The following SGPP2 variants were observed in gnomAD, a reference collection of about 807,000 sequenced individuals.
SGPP2 encodes the protein sphingosine-1-phosphate phosphatase 2.
SGPP2 carries 30 observed loss-of-function variants against 33.9 expected under a neutral mutation model. The observed-to-expected ratio is 0.89, with a 90% confidence interval of 0.66 to 1.20. The LOEUF is 1.20. Among genes scored for constraint, SGPP2 ranks in the 50% most tolerant of loss-of-function variants. The pLI, the probability that SGPP2 is intolerant of heterozygous loss-of-function variation, is 0.00. For missense variants in SGPP2, 458 were observed against 532.1 expected (o/e 0.86, Z 1.37); for synonymous variants, 233 against 225.0 (o/e 1.04, Z -0.32).
chr2:222,475,777 G>T (rs114277500), intron 2 of SGPP2, among the ~76,000 whole-genome samples: 7 of 152,290 alleles, frequency 4.6e-5, no homozygotes, highest in Non-Finnish European at 8.8e-5. Context: ...AGGCAGCAAG[G>T]CATACTCCAG....
chr2:222,532,957 A>G (rs531803445), intron 4 of SGPP2, among the ~76,000 whole-genome samples: 2 of 152,204 alleles, frequency 1.3e-5, no homozygotes, highest in Non-Finnish European at 2.9e-5. Context: ...CATTCAAGGT[A>G]AAACAGAGTT....
chr2:222,531,515 T>C (rs544512731), intron 4 of SGPP2, among the ~76,000 whole-genome samples: 1 of 152,340 alleles, frequency 6.6e-6, no homozygotes, highest in East Asian at 1.9e-4. Flanking sequence ...TGCCAGCAGC[T>C]GTCAGGGAGA....
chr2:222,482,556 C>A (rs1307123545), intron 2 of SGPP2, among the ~76,000 whole-genome samples: 1 of 146,242 alleles, frequency 6.8e-6, no homozygotes, highest in Non-Finnish European at 1.5e-5. Context: ...AGCATCACAC[C>A]TGGCTTAGTT....
Position 222,562,584 on chromosome 2 carries a change from TTTA to T in SGPP2, c.*3689_*3691del, listed in dbSNP as rs1203012090. Among the ~76,000 whole-genome samples the T allele has an allele frequency of 6.6e-6, 1 of 152,236 alleles. No homozygotes were observed. The highest frequency in any genetic ancestry group is 1.9e-4 in the East Asian group (1 of 5,202). The stretch of plus-strand genomic sequence containing the variant: ...AAATTTATTCTTTTTAAAAATCACT[TTTA>T]TTTGATTTTGACTTATTAAATGCTT... On this transcript the variant is annotated 3_prime_UTR_variant, in exon 5 of 5. Coordinates refer to ENST00000321276, the MANE Select transcript of SGPP2 (RefSeq NM_152386.4).
chr2:222,494,658 C>A (rs992533348), intron 2 of SGPP2, among the ~76,000 whole-genome samples: 1 of 152,214 alleles, frequency 6.6e-6, no homozygotes, highest in Admixed American at 6.5e-5. Flanking sequence ...TATCCAAAAT[C>A]TTGGCGTGAG....
chr2:222,470,495 G>C (rs1697821819), intron 1 of SGPP2, among the ~76,000 whole-genome samples: 1 of 152,100 alleles, frequency 6.6e-6, no homozygotes, highest in Non-Finnish European at 1.5e-5. Flanking sequence ...AGAATAGTTA[G>C]CTTTTCCCTC....
At chr2:222,543,591 C>T (rs1172169684) in intron 4 of SGPP2, among the ~76,000 whole-genome samples, 1 of 152,196 alleles carries the variant, frequency 6.6e-6, no homozygotes, top group Non-Finnish European at 1.5e-5. Context: ...TGTGGTCTCT[C>T]TCTCAGAATA....
chr2:222,426,275 G>A (rs917253223), intron 1 of SGPP2, among the ~76,000 whole-genome samples: 10 of 150,804 alleles, frequency 6.6e-5, no homozygotes, highest in Non-Finnish European at 1.5e-4. Context: ...ACAGTCCCAT[G>A]GCTGAAACGT....
chr2:222,523,221 C>G, intron 3 of SGPP2, among the ~76,000 whole-genome samples: 1 of 152,230 alleles, frequency 6.6e-6, no homozygotes, highest in East Asian at 1.9e-4. Flanking sequence ...AAGAAAGGGA[C>G]AGTTACAAGG....
At chr2:222,533,901 A>G (rs899599877) in intron 4 of SGPP2, among the ~76,000 whole-genome samples, 1 of 151,932 alleles carries the variant, frequency 6.6e-6, no homozygotes, top group South Asian at 2.1e-4. Flanking sequence ...ATCAAATGCT[A>G]TCCCAGGGGT....
At chr2:222,552,431 T>C (rs564272910) in intron 4 of SGPP2, among the ~76,000 whole-genome samples, 2 of 152,298 alleles carry the variant, frequency 1.3e-5, no homozygotes, top group Admixed American at 6.5e-5. Flanking sequence ...TATTGCATTA[T>C]GGTTTTGAAT....
At chr2:222,478,353 G>A (rs1001511813) in intron 2 of SGPP2, among the ~76,000 whole-genome samples, 1 of 151,840 alleles carries the variant, frequency 6.6e-6, no homozygotes, top group East Asian at 1.9e-4. Flanking sequence ...AGACAATAAT[G>A]AGAGATATTT....
intron 4 of SGPP2, among the ~76,000 whole-genome samples, chr2:222,532,006 C>T (rs1371203910): frequency 6.6e-6 from 1 of 152,178 alleles, no homozygotes; most frequent in Non-Finnish European, 1.5e-5. Flanking sequence ...GGCACGGTGG[C>T]TCATGACTGT....
In SGPP2 at chr2:222,476,722, ATGTGTGTATATAGG is replaced by A. The variant is rs1697939882; in HGVS notation, c.378+2004_378+2017del. ...GTAAGGTATAACTGTATATATATGT[ATGTGTGTATATAGG>A]TGTGTGTGTATATGTATGTATATAG... On this transcript the variant is annotated intron_variant, in intron 2 of 4. Coordinates refer to ENST00000321276, the MANE Select transcript of SGPP2 (RefSeq NM_152386.4). This position sits in a 1 kb window ranked among gnomAD's most constrained non-coding sequence, Gnocchi z 4.3. Among the ~76,000 whole-genome samples the A allele has an allele frequency of 6.6e-6, 1 of 150,844 alleles. No individual in the cohort carries two copies. The highest frequency in any genetic ancestry group is 1.5e-5 in the Non-Finnish European group (1 of 67,738).
At chr2:222,554,337 A>G (rs1689351051) in intron 4 of SGPP2, among the ~76,000 whole-genome samples, 1 of 152,264 alleles carries the variant, frequency 6.6e-6, no homozygotes, top group Non-Finnish European at 1.5e-5. Flanking sequence ...GCAGTGGCAT[A>G]GTATTCCACT....
intron 1 of SGPP2, among the ~76,000 whole-genome samples, chr2:222,443,454 A>C (rs957895403): frequency 6.6e-6 from 1 of 152,110 alleles, no homozygotes; most frequent in African/African-American, 2.4e-5. Flanking sequence ...TTTAGCTCCC[A>C]CATATAAGTG....
rs147352118 is a variant in SGPP2 at position 222,432,350 on chromosome 2, C to T, written c.219+7529C>T. Among the ~76,000 whole-genome samples the T allele has an allele frequency of 1.8e-3, 268 of 152,262 alleles. 2 individuals are homozygous for T. In the Middle Eastern group the frequency reaches 0.02, roughly 12 times the overall value. ...GTCACTCTCACCCACAGATGATTTA[C>T]GAGGAAAAAGCACAAATGGTTTCTT... On this transcript the variant is annotated intron_variant, in intron 1 of 4. Transcript: ENST00000321276.
chr2:222,557,216 C>T (rs554795356), intron 4 of SGPP2, among the ~76,000 whole-genome samples: 67 of 152,294 alleles, frequency 4.4e-4, no homozygotes, highest in African/African-American at 1.3e-3. Context: ...CTGCCTGTCT[C>T]TTTACCAGAC....
chr2:222,498,872 T>C (rs1191830971), intron 2 of SGPP2, among the ~76,000 whole-genome samples: 3 of 152,142 alleles, frequency 2.0e-5, no homozygotes, highest in African/African-American at 7.2e-5. Context: ...TAACTCCTAT[T>C]TAAATTGTTT....
Sources: allele counts gnomAD v4.1 joint callset (sites outside exome capture counted in the v4.1 genomes callset), GRCh38; gene constraint gnomAD v4.1.1; non-coding constraint Gnocchi (gnomAD v3.1); transcripts MANE v1.5; gene names NCBI Gene and HGNC (gene_info 2026-07-23, HGNC 2026-07-21).